CDH1: variants seen among roughly 807,000 people sequenced by gnomAD.
CDH1 encodes cadherin-1.
Under a neutral mutation model 84.5 loss-of-function variants are expected in CDH1, and 35 were observed. That is an observed-to-expected ratio of 0.41 (90% CI 0.32 to 0.55). The LOEUF is 0.55. Ranked by LOEUF, CDH1 falls within the 20% of genes least tolerant of loss-of-function variation. The probability of loss-of-function intolerance (pLI) is 0.19; values close to 1 mark genes in which losing one functional copy is unlikely to be tolerated. For synonymous variants in CDH1, 417 were observed against 439.0 expected (o/e 0.95, Z 0.63); for missense variants, 994 against 1,126.6 (o/e 0.88, Z 1.68).
At chr16:68,817,852 G>C (rs945379098) in intron 10 of CDH1, among the ~76,000 whole-genome samples, 2 of 152,110 alleles carry the variant, frequency 1.3e-5, no homozygotes, top group Admixed American at 6.6e-5. Flanking sequence ...AAGGGTGCAA[G>C]GTTGCTATAA....
At chr16:68,743,298 T>C (rs544183527) in intron 2 of CDH1, among the ~76,000 whole-genome samples, 2 of 9,466 alleles carry the variant, frequency 2.1e-4, no homozygotes, top group South Asian at 5.1e-3. Flanking sequence ...TTTCTTTCTT[T>C]CTTTCTTTCT....
At chr16:68,788,525 A>ACAGCTTCTTTCACTCGGTGTAATGCTTT in intron 2 of CDH1, among the ~76,000 whole-genome samples, 1 of 152,246 alleles carries the variant, frequency 6.6e-6, no homozygotes, top group South Asian at 2.1e-4. Context: ...ACTTTGGTGA[A>ACAGCTTCTTTCACTCGGTGTAATGCTTT]CAGCTTCTTT....
chr16:68,791,965 G>C (rs11640585), intron 2 of CDH1, among the ~76,000 whole-genome samples: 4 of 152,094 alleles, frequency 2.6e-5, no homozygotes, highest in African/African-American at 9.7e-5. Context: ...CTGTTGCCCA[G>C]GCTGGAGTGC....
At position 68,790,440 on chromosome 16, in the gene CDH1, T is replaced by C. The variant is rs73560911; in HGVS notation, c.164-11230T>C. On this transcript the variant is annotated intron_variant, in intron 2 of 15. Coordinates refer to ENST00000261769, the MANE Select transcript of CDH1 (RefSeq NM_004360.5). The stretch of plus-strand genomic sequence containing the variant: ...CACAGGAATGTTTCCTGGGTTGCAG[T>C]CCATGAAAATGATCAGTTACGGCCT... 4.7e-3 allele frequency among the ~76,000 whole-genome samples: 713 copies of C among 152,254 alleles called. 8 individuals carry two copies. Among genetic ancestry groups the C allele is most frequent in the African/African-American group, 0.016 (651 of 41,548 alleles).
At chr16:68,740,665 C>A (rs1269471852) in intron 2 of CDH1, among the ~76,000 whole-genome samples, 1 of 152,126 alleles carries the variant, frequency 6.6e-6, no homozygotes, top group East Asian at 1.9e-4. Flanking sequence ...TTTCTCCCTT[C>A]TAAGCTCCTG....
intron 9 of CDH1, chr16:68,814,303 T>A (rs1158546136): frequency 3.3e-5 from 5 of 153,014 alleles, no homozygotes; most frequent in African/African-American, 1.2e-4. Flanking sequence ...ATCCCAGCAC[T>A]TTGGGAGGCC....
chr16:68,777,265 G>A (rs1335812530), intron 2 of CDH1, among the ~76,000 whole-genome samples: 1 of 152,144 alleles, frequency 6.6e-6, no homozygotes, highest in East Asian at 1.9e-4. Flanking sequence ...TCGAATTCCA[G>A]GTTCACACCA....
At position 68,823,385 on chromosome 16, in the gene CDH1, A is replaced by ATTGC. The variant is rs751319164; in HGVS notation, c.1937-11_1937-8dup. On this transcript the variant is annotated splice_polypyrimidine_tract_variant and intron_variant, in intron 12 of 15. Transcript: ENST00000261769. ...TCCCCTGGTCTCATCATTTCTTTTT[A>ATTGC]TTGCTTTCTCCAGCCCAAGAATCTA... The ATTGC allele has an allele frequency of 1.9e-5, 30 of 1,576,610 alleles. No homozygotes were observed. The highest frequency in any genetic ancestry group is 2.6e-6 in the Non-Finnish European group (3 of 1,146,880).
At chr16:68,826,799 T>C (rs1242313163) in intron 13 of CDH1, among the ~76,000 whole-genome samples, 1 of 152,144 alleles carries the variant, frequency 6.6e-6, no homozygotes, top group Non-Finnish European at 1.5e-5. Context: ...GCTCCTATAG[T>C]CTTGTTCAGT....
intron 2 of CDH1, among the ~76,000 whole-genome samples, chr16:68,745,927 C>T (rs1194726000): frequency 6.6e-6 from 1 of 152,184 alleles, no homozygotes; most frequent in East Asian, 1.9e-4. Flanking sequence ...AAGCAATTCT[C>T]ATGCCTCAGC....
At chr16:68,803,102 TC>T (rs1960559510) in intron 3 of CDH1, among the ~76,000 whole-genome samples, 1 of 152,174 alleles carries the variant, frequency 6.6e-6, no homozygotes, top group Non-Finnish European at 1.5e-5. Flanking sequence ...TCTGGTTGTG[TC>T]CTGCTTACTG....
Position 68,833,718 on chromosome 16 carries a change from T to C in CDH1, c.*219T>C. On this transcript the variant is annotated 3_prime_UTR_variant, in exon 16 of 16. Transcript: ENST00000261769. The stretch of plus-strand genomic sequence containing the variant: ...ACTTATTTCTTAAAGCTTTTTTTTT[T>C]TTCCCATCACTCTTTACATGGTGGT... The C allele has an allele frequency of 3.5e-6, 2 of 565,334 alleles. No individual in the cohort carries two copies. Among genetic ancestry groups the C allele is most frequent in the South Asian group, 4.1e-5 (2 of 48,922 alleles). 35.0% of individuals were successfully genotyped at this position (565,334 alleles called of 1,614,324 possible). A position where few individuals can be genotyped will look rare whatever the true frequency, so the allele number is the denominator to read the frequency against.
intron 3 of CDH1, among the ~76,000 whole-genome samples, chr16:68,804,020 T>C (rs1337688223): frequency 6.6e-6 from 1 of 151,824 alleles, no homozygotes; most frequent in East Asian, 1.9e-4. Context: ...TCTTTTTTTA[T>C]TTTTTTAATC....
At chr16:68,819,927 G>A (rs914766896) in intron 11 of CDH1, among the ~76,000 whole-genome samples, 1 of 152,084 alleles carries the variant, frequency 6.6e-6, no homozygotes, top group East Asian at 1.9e-4. Context: ...GGCTGGGCAC[G>A]GTGACTCACA....
At chr16:68,761,086 T>C (rs559335680) in intron 2 of CDH1, among the ~76,000 whole-genome samples, 69 of 152,304 alleles carry the variant, frequency 4.5e-4, no homozygotes, top group African/African-American at 1.6e-3. Flanking sequence ...AACTCCCTCG[T>C]TGGTTCTTCC....
At chr16:68,748,015 C>T (rs980743065) in intron 2 of CDH1, among the ~76,000 whole-genome samples, 2 of 151,978 alleles carry the variant, frequency 1.3e-5, no homozygotes, top group African/African-American at 4.8e-5. Context: ...CCACCTGCCT[C>T]GGCTTCCCAA....
At chr16:68,817,188 T>C (rs905109148) in intron 10 of CDH1, among the ~76,000 whole-genome samples, 3 of 152,182 alleles carry the variant, frequency 2.0e-5, no homozygotes, top group African/African-American at 4.8e-5. Flanking sequence ...CCCTAGTAAA[T>C]AACTGAGCAG....
chr16:68,785,731 A>G (rs1960029572), intron 2 of CDH1, among the ~76,000 whole-genome samples: 1 of 146,848 alleles, frequency 6.8e-6, no homozygotes, highest in African/African-American at 2.5e-5. Context: ...CCTGCAGAGC[A>G]TAAAGAGCTT....
intron 11 of CDH1, among the ~76,000 whole-genome samples, chr16:68,821,086 C>T (rs6499200): frequency 0.033 from 5,001 of 152,138 alleles, 279 homozygotes; most frequent in African/African-American, 0.11. Context: ...GTATCCGTAT[C>T]GTATACTAAT....
Sources: gnomAD v4.1 joint callset for allele counts (sites outside exome capture counted in the v4.1 genomes callset) on GRCh38, gnomAD v4.1.1 for gene constraint, MANE v1.5 for transcripts, NCBI Gene and HGNC (gene_info 2026-07-23, HGNC 2026-07-21) for gene names.